Variants in SYNPR observed in about 807,000 individuals in gnomAD.
SYNPR encodes the protein synaptoporin.
In SYNPR, 23 loss-of-function variants were observed where a neutral mutation model predicts 32.9. The observed-to-expected ratio is 0.70, with a 90% confidence interval of 0.50 to 0.99. The LOEUF (loss-of-function observed/expected upper bound fraction) is 0.99, where lower values mean the gene tolerates loss of function less well. Among genes scored for constraint, SYNPR ranks in the 50% least tolerant of loss-of-function variants. SYNPR has a pLI of 0.00. For missense variants in SYNPR, 318 were observed against 349.3 expected (o/e 0.91, Z 0.71); for synonymous variants, 146 against 135.9 (o/e 1.07, Z -0.52).
intron 3 of SYNPR, among the ~76,000 whole-genome samples, chr3:63,512,508 G>A (rs1266101222): frequency 6.6e-6 from 1 of 152,104 alleles, no homozygotes; most frequent in Admixed American, 6.6e-5. Flanking sequence ...CATTATCTGG[G>A]TGAGCTCAAA....
intron 2 of SYNPR, among the ~76,000 whole-genome samples, chr3:63,400,430 G>C (rs753333703): frequency 6.6e-6 from 1 of 152,184 alleles, no homozygotes; most frequent in Non-Finnish European, 1.5e-5. Context: ...TTCCAAGATG[G>C]GTTACTCACA....
At chr3:63,437,477 T>C (rs970921133) in intron 2 of SYNPR, among the ~76,000 whole-genome samples, 1 of 151,734 alleles carries the variant, frequency 6.6e-6, no homozygotes, top group African/African-American at 2.4e-5. Context: ...CACAGAGTGA[T>C]TGAGGGGAGT....
At chr3:63,430,255 A>C (rs1366230439) in intron 2 of SYNPR, among the ~76,000 whole-genome samples, 1 of 152,188 alleles carries the variant, frequency 6.6e-6, no homozygotes, top group Non-Finnish European at 1.5e-5. Flanking sequence ...TTTTTCAAAT[A>C]AATTAAAGGC....
chr3:63,515,803 ATATATAC>A (rs1168695543), intron 3 of SYNPR, among the ~76,000 whole-genome samples: 2 of 152,148 alleles, frequency 1.3e-5, no homozygotes, highest in Admixed American at 6.6e-5. Flanking sequence ...TTGTATGTGT[ATATATAC>A]TATAGTCATA....
intron 4 of SYNPR, among the ~76,000 whole-genome samples, chr3:63,575,652 T>C (rs959376262): frequency 6.6e-6 from 1 of 152,102 alleles, no homozygotes; most frequent in Admixed American, 6.5e-5. Flanking sequence ...TCAAAGGAAA[T>C]TTAATCAAAA....
intron 3 of SYNPR, among the ~76,000 whole-genome samples, chr3:63,502,254 A>G (rs149881963): frequency 7.8e-4 from 118 of 152,206 alleles, no homozygotes; most frequent in Middle Eastern, 6.8e-3. Context: ...GAGGAATTTT[A>G]GGCTCACAGC....
chr3:63,537,108 G>T (rs754141632), intron 3 of SYNPR, among the ~76,000 whole-genome samples: 15 of 151,912 alleles, frequency 9.9e-5, no homozygotes, highest in Non-Finnish European at 1.9e-4. Flanking sequence ...CACTTTAAAA[G>T]GGTGACGATA....
rs552129011 is a variant in SYNPR at position 63,439,239 on chromosome 3, A to G, written c.85-41593A>G. Reference sequence around the variant, plus strand: ...AATTAGCATTGCTAATGAGGTTTTTAGAGAATCACAGATTATTTTAATCTA... The same window carrying G: ...AATTAGCATTGCTAATGAGGTTTTTGGAGAATCACAGATTATTTTAATCTA... On this transcript the variant is annotated intron_variant, in intron 2 of 5. Coordinates refer to ENST00000478300, the MANE Select transcript of SYNPR (RefSeq NM_001130003.2). Among the ~76,000 whole-genome samples the G allele has an allele frequency of 7.2e-5, 11 of 152,348 alleles. No homozygotes were observed. In the East Asian group the frequency reaches 2.1e-3, roughly 29 times the overall value.
At chr3:63,322,744 C>T (rs2087124136) in intron 2 of SYNPR, among the ~76,000 whole-genome samples, 1 of 152,052 alleles carries the variant, frequency 6.6e-6, no homozygotes, top group Non-Finnish European at 1.5e-5. Context: ...GGGCCAAAGA[C>T]ATTCAGTCCT....
At chr3:63,581,603 T>C (rs897672009) in intron 4 of SYNPR, among the ~76,000 whole-genome samples, 22 of 152,094 alleles carry the variant, frequency 1.4e-4, no homozygotes, top group Non-Finnish European at 2.2e-4. Flanking sequence ...AGCTCCCTCA[T>C]GATCCCCACA....
chr3:63,601,706 T>C (rs1467713019), intron 4 of SYNPR, among the ~76,000 whole-genome samples: 2 of 152,238 alleles, frequency 1.3e-5, no homozygotes, highest in Non-Finnish European at 2.9e-5. Context: ...TGTATAGTAT[T>C]CTGTCCTGTA....
rs182774646 is a variant in SYNPR, at chr3:63,312,723, T to C, written c.84+33981T>C. ...TCTGGGATCCCTGCCTCTTCCATGGTGGCACAGCCCCACCCAACTCTTTTG... is the reference window on the plus strand; with the variant it reads ...TCTGGGATCCCTGCCTCTTCCATGGCGGCACAGCCCCACCCAACTCTTTTG... On this transcript the variant is annotated intron_variant, in intron 2 of 5. Coordinates refer to ENST00000478300, the MANE Select transcript of SYNPR (RefSeq NM_001130003.2). 2.6e-3 allele frequency among the ~76,000 whole-genome samples: 395 copies of C among 152,098 alleles called. 3 individuals carry two copies. Among genetic ancestry groups the C allele is most frequent in the Non-Finnish European group, 1.2e-3 (82 of 67,946 alleles).
intron 3 of SYNPR, among the ~76,000 whole-genome samples, chr3:63,484,454 A>G (rs2106703584): frequency 6.6e-6 from 1 of 152,280 alleles, no homozygotes; most frequent in South Asian, 2.1e-4. Flanking sequence ...TACTCTAGGA[A>G]TGCCAAGTAA....
At chr3:63,254,773 CAG>C (rs1344778029) in intron 2 of SYNPR, among the ~76,000 whole-genome samples, 1 of 152,104 alleles carries the variant, frequency 6.6e-6, no homozygotes, top group Non-Finnish European at 1.5e-5. Context: ...TATTTGGACA[CAG>C]AGTCTTTAAA....
chr3:63,556,394 G>A, intron 3 of SYNPR, 149 bp from the exon 4 acceptor site: 2 of 606,786 alleles, frequency 3.3e-6, no homozygotes, highest in Non-Finnish European at 5.6e-6. Context: ...TAGCTATAAT[G>A]TCTGTAAATT....
At chr3:63,431,093 C>T (rs1699985194) in intron 2 of SYNPR, among the ~76,000 whole-genome samples, 1 of 152,168 alleles carries the variant, frequency 6.6e-6, no homozygotes, top group Non-Finnish European at 1.5e-5. Context: ...GCCACCAACA[C>T]TTCTCTATTT....
intron 2 of SYNPR, among the ~76,000 whole-genome samples, chr3:63,351,807 C>T (rs897683122): frequency 1.6e-4 from 25 of 152,174 alleles, no homozygotes; most frequent in African/African-American, 5.6e-4. Context: ...AAAGCCCATT[C>T]TTCCTGTCCT....
chr3:63,379,228 T>C (rs553389149), intron 2 of SYNPR, among the ~76,000 whole-genome samples: 1 of 152,280 alleles, frequency 6.6e-6, no homozygotes, highest in Admixed American at 6.5e-5. Flanking sequence ...GGCCTGTCTT[T>C]GTATGTGTTC....
At chr3:63,558,580 C>T (rs1702630185) in intron 4 of SYNPR, among the ~76,000 whole-genome samples, 1 of 152,098 alleles carries the variant, frequency 6.6e-6, no homozygotes, top group South Asian at 2.1e-4. Flanking sequence ...TCAGGTTATC[C>T]TCCCGCCTCG....
Sources: allele counts gnomAD v4.1 joint callset (sites outside exome capture counted in the v4.1 genomes callset), GRCh38; gene constraint gnomAD v4.1.1; transcripts MANE v1.5; gene names NCBI Gene and HGNC (gene_info 2026-07-23, HGNC 2026-07-21).